EPHA6: variants seen among roughly 807,000 people sequenced by gnomAD.
EPHA6 encodes ephrin type-A receptor 6.
Under a neutral mutation model 112.0 loss-of-function variants are expected in EPHA6, and 50 were observed. The observed-to-expected ratio is 0.45, with a 90% CI of 0.36 to 0.56. EPHA6 has a LOEUF of 0.56. Ranked by LOEUF, EPHA6 falls within the 20% of genes least tolerant of loss-of-function variation. EPHA6 has a pLI of 0.00. For missense variants in EPHA6, 1,280 were observed against 1,417.4 expected, an observed-to-expected ratio of 0.90 and a Z score of 1.56; for synonymous variants, 529 against 490.7, an observed-to-expected ratio of 1.08 and a Z score of -1.03.
chr3:97,338,849 A>G (rs535868669), intron 5 of EPHA6, among the ~76,000 whole-genome samples: 3 of 152,174 alleles, frequency 2.0e-5, no homozygotes, highest in Non-Finnish European at 4.4e-5. Flanking sequence ...GAAACATTTC[A>G]TGTGATCAAA....
At chr3:97,583,664 A>G (rs59550457) in intron 11 of EPHA6, among the ~76,000 whole-genome samples, 1 of 152,212 alleles carries the variant, frequency 6.6e-6, no homozygotes, top group East Asian at 1.9e-4. Flanking sequence ...AAAATATTCC[A>G]TGTTCATGGA....
At chr3:97,696,293 G>A (rs1576306332) in intron 14 of EPHA6, among the ~76,000 whole-genome samples, 1 of 152,136 alleles carries the variant, frequency 6.6e-6, no homozygotes, top group African/African-American at 2.4e-5. Context: ...TACTCCATTG[G>A]TGCTCTCTTG....
intron 11 of EPHA6, among the ~76,000 whole-genome samples, chr3:97,553,648 A>T (rs1001210082): frequency 2.6e-5 from 4 of 151,802 alleles, no homozygotes; most frequent in Non-Finnish European, 4.4e-5. Flanking sequence ...TGATCCAATC[A>T]CCTCCCATCA....
chr3:97,561,889 A>G (rs1215426152), intron 11 of EPHA6, among the ~76,000 whole-genome samples: 1 of 152,128 alleles, frequency 6.6e-6, no homozygotes, highest in East Asian at 1.9e-4. Context: ...TGAAAATCCT[A>G]GGGCCCTTGA....
chr3:96,967,872 A>C (rs562562618), intron 2 of EPHA6, among the ~76,000 whole-genome samples: 2 of 151,996 alleles, frequency 1.3e-5, no homozygotes, highest in Middle Eastern at 3.4e-3. Flanking sequence ...TGTAGACGGC[A>C]GTTGGATTTT....
chr3:96,919,858 A>G (rs573024596), intron 2 of EPHA6, among the ~76,000 whole-genome samples: 1 of 151,902 alleles, frequency 6.6e-6, no homozygotes, highest in East Asian at 1.9e-4. Flanking sequence ...GAGTGCATAA[A>G]AGTCATAGTA....
At chr3:97,046,262 G>A (rs2045502850) in intron 3 of EPHA6, among the ~76,000 whole-genome samples, 1 of 152,088 alleles carries the variant, frequency 6.6e-6, no homozygotes, top group Non-Finnish European at 1.5e-5. Context: ...TGGATTGAAG[G>A]ATATTTTAAC....
chr3:97,041,187 C>T (rs993836145), intron 3 of EPHA6, among the ~76,000 whole-genome samples: 2 of 152,128 alleles, frequency 1.3e-5, no homozygotes, highest in Non-Finnish European at 2.9e-5. Context: ...TCAGTTTTCT[C>T]AGTCTTCCTG....
At chr3:97,434,661 A>C (rs144636050) in intron 6 of EPHA6, among the ~76,000 whole-genome samples, 1 of 152,232 alleles carries the variant, frequency 6.6e-6, no homozygotes, top group East Asian at 1.9e-4. Flanking sequence ...ATAATTTTTA[A>C]GCCAAAATGT....
At chr3:97,648,879 G>A (rs1354576904) in intron 14 of EPHA6, among the ~76,000 whole-genome samples, 4 of 152,098 alleles carry the variant, frequency 2.6e-5, no homozygotes, top group African/African-American at 9.7e-5. Flanking sequence ...GTCACTGCTG[G>A]TGGAGCTGAC....
At chr3:97,404,410 T>C (rs1469517348) in intron 5 of EPHA6, among the ~76,000 whole-genome samples, 2 of 152,188 alleles carry the variant, frequency 1.3e-5, no homozygotes, top group Non-Finnish European at 2.9e-5. Flanking sequence ...GATTGTTGAC[T>C]TTTATGTCAA....
At chr3:97,375,026 A>C (rs1458039565) in intron 5 of EPHA6, among the ~76,000 whole-genome samples, 1 of 152,184 alleles carries the variant, frequency 6.6e-6, no homozygotes. Flanking sequence ...GGGTACACAA[A>C]ATTAACAAGG....
At chr3:97,632,458 C>T (rs1234088555) in intron 13 of EPHA6, among the ~76,000 whole-genome samples, 2 of 151,974 alleles carry the variant, frequency 1.3e-5, no homozygotes, top group African/African-American at 4.8e-5. Flanking sequence ...CAAGTTGGAC[C>T]AAGTTCTTCT....
intron 2 of EPHA6, among the ~76,000 whole-genome samples, chr3:96,915,271 A>G (rs1245855790): frequency 6.6e-6 from 1 of 152,030 alleles, no homozygotes; most frequent in African/African-American, 2.4e-5. Context: ...CTTTATATGT[A>G]TTAACTATTT....
At chr3:97,452,272 G>T (rs1412028760) in intron 7 of EPHA6, among the ~76,000 whole-genome samples, 2 of 151,714 alleles carry the variant, frequency 1.3e-5, no homozygotes, top group African/African-American at 4.8e-5. Flanking sequence ...ATCATAAAAT[G>T]AATCTACTTG....
intron 2 of EPHA6, among the ~76,000 whole-genome samples, chr3:96,882,847 G>C (rs1654074198): frequency 6.6e-6 from 1 of 151,352 alleles, no homozygotes; most frequent in South Asian, 2.1e-4. Context: ...ATTTGGGTTG[G>C]TTCTATGAGT....
At chr3:97,711,736 G>T (rs1337619524) in intron 14 of EPHA6, among the ~76,000 whole-genome samples, 1 of 152,108 alleles carries the variant, frequency 6.6e-6, no homozygotes, top group Non-Finnish European at 1.5e-5. Flanking sequence ...CTCAAGGAAA[G>T]CTTCTGTACT....
intron 14 of EPHA6, among the ~76,000 whole-genome samples, chr3:97,639,108 AT>A (rs987935258): frequency 1.6e-4 from 25 of 152,038 alleles, no homozygotes; most frequent in Non-Finnish European, 5.9e-5. Flanking sequence ...TATCAATGAT[AT>A]TTTTCACAGT....
intron 14 of EPHA6, among the ~76,000 whole-genome samples, chr3:97,666,016 C>T (rs1047835245): frequency 1.3e-5 from 2 of 150,042 alleles, no homozygotes; most frequent in African/African-American, 5.0e-5. Context: ...GAGATATCGC[C>T]GTTACACTCC....
Sources: gnomAD v4.1 joint callset for allele counts (sites outside exome capture counted in the v4.1 genomes callset) on GRCh38, gnomAD v4.1.1 for gene constraint, MANE v1.5 for transcripts, NCBI Gene and HGNC (gene_info 2026-07-23, HGNC 2026-07-21) for gene names.